The following GNA12 variants were observed in gnomAD, a reference collection of about 807,000 sequenced individuals.
GNA12 encodes the protein G protein subunit alpha 12, also known as guanine nucleotide-binding protein subunit alpha-12.
A neutral mutation model predicts 26.0 loss-of-function variants in GNA12; 9 were observed. That is an observed-to-expected ratio of 0.35 (90% CI 0.21 to 0.60). GNA12 has a LOEUF of 0.60. Ranked by LOEUF, GNA12 falls within the 20% of genes least tolerant of loss-of-function variation. The probability of loss-of-function intolerance (pLI) is 0.78; values close to 1 mark genes in which losing one functional copy is unlikely to be tolerated. For synonymous variants in GNA12, 264 were observed against 219.6 expected (o/e 1.20, Z -1.79); for missense variants, 405 against 525.8 (o/e 0.77, Z 2.25).
intron 2 of GNA12, among the ~76,000 whole-genome samples, chr7:2,789,151 T>TTTTTTTG: frequency 8.1e-6 from 1 of 122,750 alleles, no homozygotes. Context: ...TTTTTTTTTT[T>TTTTTTTG]TTGAGACGGA....
chr7:2,755,640 T>C (rs188794096), intron 2 of GNA12, among the ~76,000 whole-genome samples: 152 of 152,366 alleles, frequency 1.0e-3, no homozygotes, highest in Non-Finnish European at 1.2e-4. Context: ...CTATGACTTT[T>C]CTGGTAGATT....
At chr7:2,762,245 AAC>A (rs1791593714) in intron 2 of GNA12, 2 of 199,718 alleles carry the variant, frequency 1.0e-5, no homozygotes, top group East Asian at 2.1e-4. Flanking sequence ...ACTGCTAGGA[AAC>A]ACCACCCTGA....
rs559690732 is a variant in GNA12, at chr7:2,816,097, G to A, written c.310-20954C>T. On this transcript the variant is annotated intron_variant, in intron 1 of 3. Coordinates refer to ENST00000275364, the MANE Select transcript of GNA12 (RefSeq NM_007353.3). Reference sequence around the variant, plus strand: ...GACACACAGTGCAGCACTGTTGGTCGCAGGGAAAACGGTAAACAACCTGAA... The same window carrying A: ...GACACACAGTGCAGCACTGTTGGTCACAGGGAAAACGGTAAACAACCTGAA... Among the ~76,000 whole-genome samples the A allele has an allele frequency of 8.5e-5, 13 of 152,336 alleles. No individual in the cohort carries two copies. In the South Asian group the frequency reaches 1.0e-3, roughly 12 times the overall value.
At chr7:2,764,101 C>T (rs141828398) in intron 2 of GNA12, among the ~76,000 whole-genome samples, 6 of 152,212 alleles carry the variant, frequency 3.9e-5, no homozygotes, top group African/African-American at 1.4e-4. Context: ...GACAGGGTCT[C>T]ACTCTGTTGC....
intron 1 of GNA12, among the ~76,000 whole-genome samples, chr7:2,837,232 G>T (rs988559675): frequency 6.6e-6 from 1 of 152,144 alleles, no homozygotes; most frequent in Non-Finnish European, 1.5e-5. Context: ...AGGGGGGAAG[G>T]CTGGATTAGC....
intron 1 of GNA12, among the ~76,000 whole-genome samples, chr7:2,804,815 T>C (rs967859397): frequency 6.6e-6 from 1 of 152,044 alleles, no homozygotes; most frequent in African/African-American, 2.4e-5. Flanking sequence ...TCCTAGCGCT[T>C]TGGGAAGCCG....
intron 2 of GNA12, among the ~76,000 whole-genome samples, chr7:2,781,408 G>A (rs1175366151): frequency 9.0e-6 from 1 of 110,506 alleles, no homozygotes; most frequent in Admixed American, 1.1e-4. Context: ...TTCAAAGTAA[G>A]TGTCTGTGTG....
chr7:2,842,015 GAAA>G (rs1325000519), intron 1 of GNA12, among the ~76,000 whole-genome samples: 3 of 143,138 alleles, frequency 2.1e-5, no homozygotes. Context: ...GAGGGAGGGA[GAAA>G]GGAAGGGAGG....
chr7:2,814,433 C>T (rs1385169398), intron 1 of GNA12: 1 of 1,071,776 alleles, frequency 9.3e-7, no homozygotes, highest in East Asian at 2.3e-5. Context: ...GAATTAAAGA[C>T]AATTAGAGAC....
intron 2 of GNA12, among the ~76,000 whole-genome samples, chr7:2,786,223 T>A (rs1185731384): frequency 6.6e-6 from 1 of 152,162 alleles, no homozygotes; most frequent in Non-Finnish European, 1.5e-5. Flanking sequence ...CGTGCTATAA[T>A]CCTGTAAGAT....
chr7:2,804,161 T>C (rs927321964), intron 1 of GNA12, among the ~76,000 whole-genome samples: 1 of 152,230 alleles, frequency 6.6e-6, no homozygotes, highest in African/African-American at 2.4e-5. Context: ...GGGGAAAAGC[T>C]TGCACACACT....
intron 1 of GNA12, among the ~76,000 whole-genome samples, chr7:2,795,984 C>T (rs1344667715): frequency 6.6e-6 from 1 of 151,962 alleles, no homozygotes; most frequent in Admixed American, 6.6e-5. Context: ...CCAGGCCCGG[C>T]TAATTTTTTA....
At chr7:2,830,049 T>G (rs1482042677) in intron 1 of GNA12, among the ~76,000 whole-genome samples, 3 of 152,224 alleles carry the variant, frequency 2.0e-5, no homozygotes, top group Non-Finnish European at 4.4e-5. Flanking sequence ...CCACACTTCC[T>G]GGCTCCACCA....
At chr7:2,824,255 G>T (rs1382044217) in intron 1 of GNA12, among the ~76,000 whole-genome samples, 1 of 152,132 alleles carries the variant, frequency 6.6e-6, no homozygotes, top group Non-Finnish European at 1.5e-5. Context: ...GTCAGATCCT[G>T]CCACTCCTCT....
chr7:2,780,142 C>A (rs1792193108), intron 2 of GNA12, among the ~76,000 whole-genome samples: 1 of 135,206 alleles, frequency 7.4e-6, no homozygotes, highest in African/African-American at 2.8e-5. Flanking sequence ...TTGCTACTTA[C>A]CTCACTTTTT....
intron 2 of GNA12, among the ~76,000 whole-genome samples, chr7:2,743,623 G>T (rs1055565262): frequency 6.6e-6 from 1 of 152,142 alleles, no homozygotes; most frequent in African/African-American, 2.4e-5. Context: ...TGCAGAAGAC[G>T]GGTGATTTCT....
chr7:2,778,608 C>T (rs1361268248), intron 2 of GNA12, among the ~76,000 whole-genome samples: 3 of 152,186 alleles, frequency 2.0e-5, no homozygotes, highest in Non-Finnish European at 4.4e-5. Context: ...AAAATCGTTC[C>T]TCCTATAGCT....
chr7:2,843,743 C>T, intron 1 of GNA12, 110 bp downstream of exon 1: 1 of 483,594 alleles, frequency 2.1e-6, no homozygotes, highest in Non-Finnish European at 3.6e-6. Flanking sequence ...GATCCAGCAT[C>T]CTCGCCCCAG....
At chr7:2,755,003 A>T (rs1465335089) in intron 2 of GNA12, among the ~76,000 whole-genome samples, 1 of 152,218 alleles carries the variant, frequency 6.6e-6, no homozygotes, top group Non-Finnish European at 1.5e-5. Context: ...TCTTCCCTAC[A>T]GAGACAGTCC....
Sources: gnomAD v4.1 joint callset for allele counts (sites outside exome capture counted in the v4.1 genomes callset) on GRCh38, gnomAD v4.1.1 for gene constraint, MANE v1.5 for transcripts, NCBI Gene and HGNC (gene_info 2026-07-23, HGNC 2026-07-21) for gene names.